Variants in PROSER2 observed in about 807,000 individuals in gnomAD.
PROSER2 encodes the protein proline and serine rich 2.
In PROSER2, 18 loss-of-function variants were observed where a neutral mutation model predicts 14.6. The observed-to-expected ratio is 1.23, with a 90% CI of 0.85 to 1.83. PROSER2 has a LOEUF of 1.83. Ranked by LOEUF, PROSER2 falls within the 40% of genes most tolerant of loss-of-function variation. The pLI is 0.00. For synonymous variants in PROSER2, 367 were observed against 286.4 expected, an observed-to-expected ratio of 1.28 and a Z score of -2.84; for missense variants, 823 against 629.8, an observed-to-expected ratio of 1.31 and a Z score of -3.28.
At chr10:11,833,426 C>T (rs183351180) in intron 1 of PROSER2, among the ~76,000 whole-genome samples, 25 of 151,478 alleles carry the variant, frequency 1.7e-4, no homozygotes, top group Non-Finnish European at 2.9e-4. Flanking sequence ...TGTGGTGGCT[C>T]ACACCGGTAA....
At chr10:11,846,752 T>TTTTG (rs962596005) in intron 1 of PROSER2, among the ~76,000 whole-genome samples, 13 of 151,892 alleles carry the variant, frequency 8.6e-5, no homozygotes, top group African/African-American at 1.5e-4. Context: ...TTGGTTTGGG[T>TTTTG]TTTGTTTGTT....
At chr10:11,835,650 A>G (rs1588484720) in intron 1 of PROSER2, among the ~76,000 whole-genome samples, 2 of 152,192 alleles carry the variant, frequency 1.3e-5, no homozygotes, top group East Asian at 3.8e-4. Flanking sequence ...ATTTTTGTTA[A>G]TACACAATTA....
chr10:11,853,480 C>T (rs539429400), intron 2 of PROSER2, among the ~76,000 whole-genome samples: 51 of 152,164 alleles, frequency 3.4e-4, no homozygotes, highest in African/African-American at 7.2e-4. Context: ...CCCAGCTACT[C>T]GGGAGGCTGA....
rs761664720 is a variant in PROSER2 at position 11,866,595 on chromosome 10, C to G, written c.203C>G (p.Thr68Arg). Residue 68 changes from threonine (T) to arginine (R), a missense_variant, in exon 3 of 4, where the codon ACG becomes AGG. Coordinates refer to ENST00000277570, the MANE Select transcript of PROSER2 (RefSeq NM_153256.4). This position sits in a 1 kb window ranked among gnomAD's most constrained non-coding sequence, Gnocchi z 6.0. The stretch of plus-strand genomic sequence containing the variant: ...GATGTGCTCCTGTTTTTTGAAGAGA[C>G]GATTGACTCCCTAGACGAGGACTTT... ...EKDVLLFFEE[T>R]IDSLDEDFEE... is the part of the protein sequence containing the mutation. 8.1e-6 allele frequency: 13 copies of G among 1,614,176 alleles called. No homozygotes were observed. In the Admixed American group the frequency reaches 2.2e-4, roughly 27 times the overall value.
In PROSER2 at chr10:11,827,663, G is replaced by A. The variant is rs533177282; in HGVS notation, c.-82+4193G>A. ...GCCAAGCTGTTGAGCGGGTCATTGG[G>A]CATACAAACATGGAAGTCCTTTTTT... is the stretch of plus-strand genomic sequence containing the variant. On this transcript the variant is annotated intron_variant, in intron 1 of 3. Coordinates refer to ENST00000277570, the MANE Select transcript of PROSER2 (RefSeq NM_153256.4). Among the ~76,000 whole-genome samples the A allele has an allele frequency of 2.7e-5, 4 of 149,818 alleles. No individual in the cohort carries two copies. In the East Asian group the frequency reaches 8.0e-4, roughly 30 times the overall value.
chr10:11,870,537 G>T lies in PROSER2; in HGVS notation c.*131G>T, dbSNP rs1236603368. 2.7e-6 allele frequency: 2 copies of T among 748,846 alleles called. No individual in the cohort carries two copies. Among genetic ancestry groups the T allele is most frequent in the African/African-American group, 3.7e-5 (2 of 53,430 alleles). 46.4% of individuals were successfully genotyped at this position (748,846 alleles called of 1,614,324 possible). ...GAGCCCCTGCCCTCTGTGGCACATC[G>T]GAGTCTAGAGGTGCCTGGCTGGGGC... is the stretch of plus-strand genomic sequence containing the variant. On this transcript the variant is annotated 3_prime_UTR_variant, in exon 4 of 4. Transcript: ENST00000277570.
In PROSER2 at chr10:11,870,031, C is replaced by T. The variant is rs1400623011; in HGVS notation, c.933C>T (p.Ser311=). 8.1e-7 allele frequency: 1 copy of T among 1,233,558 alleles called. No homozygotes were observed. The highest frequency in any genetic ancestry group is 3.4e-5 in the East Asian group (1 of 29,030). The allele number at this position is 1,233,558 out of a possible 1,614,324, so 76.4% of individuals were successfully genotyped here. A position where few individuals can be genotyped will look rare whatever the true frequency, so the allele number is the denominator to read the frequency against. Reference sequence around the variant, plus strand: ...GCGAGGGGGCCCCAGGGGGCGGCTCCTCCCCGGAGCGGGTGGCGCGTGGCC... The same window carrying T: ...GCGAGGGGGCCCCAGGGGGCGGCTCTTCCCCGGAGCGGGTGGCGCGTGGCC... The part of the protein sequence containing the change: ...DAGEGAPGGG[S]SPERVARGRG... Residue 311 remains serine, a synonymous_variant, in exon 4 of 4, where the codon TCC becomes TCT. Transcript: ENST00000277570.
chr10:11,842,695 G>A (rs1833861641), intron 1 of PROSER2, among the ~76,000 whole-genome samples: 3 of 151,792 alleles, frequency 2.0e-5, no homozygotes, highest in Admixed American at 2.0e-4. Flanking sequence ...ATTGGTAGCC[G>A]ACTCGCTCTG....
At chr10:11,835,803 C>A (rs1206949136) in intron 1 of PROSER2, among the ~76,000 whole-genome samples, 2 of 152,218 alleles carry the variant, frequency 1.3e-5, no homozygotes, top group Middle Eastern at 3.4e-3. Context: ...TCGTCAAGAG[C>A]CACTAGCATT....
intron 1 of PROSER2, among the ~76,000 whole-genome samples, chr10:11,848,449 G>A (rs748859447): frequency 6.6e-6 from 1 of 152,166 alleles, no homozygotes; most frequent in African/African-American, 2.4e-5. Context: ...GGTTACAGGC[G>A]TGAGCCACCG....
In PROSER2 at chr10:11,830,933, T is replaced by C. The variant is rs183037549; in HGVS notation, c.-82+7463T>C. Among the ~76,000 whole-genome samples the C allele has an allele frequency of 1.0e-3, 152 of 152,114 alleles. 1 individual carries two copies. The highest frequency in any genetic ancestry group is 3.4e-3 in the Middle Eastern group (1 of 294). On this transcript the variant is annotated intron_variant, in intron 1 of 3. Coordinates refer to ENST00000277570, the MANE Select transcript of PROSER2 (RefSeq NM_153256.4). This position sits in a 1 kb window ranked among gnomAD's most constrained non-coding sequence, Gnocchi z 4.5. ...TAGCTCCTGCCCAGAGAGGAGGTGGTTACTGGCCTCACCTTACTGACATCA... is the reference window on the plus strand; with the variant it reads ...TAGCTCCTGCCCAGAGAGGAGGTGGCTACTGGCCTCACCTTACTGACATCA...
chr10:11,870,123 C>T lies in PROSER2; in HGVS notation c.1025C>T (p.Ala342Val). 1.5e-6 allele frequency: 2 copies of T among 1,371,138 alleles called. No homozygotes were observed. Among genetic ancestry groups the T allele is most frequent in the Non-Finnish European group, 1.9e-6 (2 of 1,067,668 alleles). The allele number at this position is 1,371,138 out of a possible 1,614,324, so 84.9% of individuals were successfully genotyped here. ...GGQAPRGPAL[A>V]NGFPSAHEAL... ...CAGGCTCCGCGGGGCCCGGCGCTGG[C>T]CAACGGCTTCCCAAGTGCGCACGAG... The change falls in exon 4 of 4, where the codon GCC (alanine) becomes GTC (valine). Residue 342 changes from alanine to valine, a missense_variant. Ala to Val is a moderately conservative substitution (Grantham distance 64). Coordinates refer to ENST00000277570, the MANE Select transcript of PROSER2 (RefSeq NM_153256.4).
At chr10:11,845,620 CG>C (rs879293615) in intron 1 of PROSER2, among the ~76,000 whole-genome samples, 8 of 152,250 alleles carry the variant, frequency 5.3e-5, no homozygotes, top group Admixed American at 2.0e-4. Flanking sequence ...CAGCAACACT[CG>C]GTAGCTGTTA....
Position 11,865,506 on chromosome 10 carries a change from G to A in PROSER2, c.139-1025G>A, listed in dbSNP as rs144663204. Among the ~76,000 whole-genome samples, 4 of 152,176 alleles carry A rather than the reference G, an allele frequency of 2.6e-5. No homozygotes were observed. The highest frequency in any genetic ancestry group is 9.6e-5 in the African/African-American group (4 of 41,516). On this transcript the variant is annotated intron_variant, in intron 2 of 3. Coordinates refer to ENST00000277570, the MANE Select transcript of PROSER2 (RefSeq NM_153256.4). The surrounding 1 kb of genome is among the most constrained non-coding windows in gnomAD (Gnocchi z 4.2). ...TGCTCGGTGGTTATTAGATATCTGC[G>A]CATACTCCAGAGTAGGACAGTAAGA...
chr10:11,839,997 G>A (rs1373642991), intron 1 of PROSER2, among the ~76,000 whole-genome samples: 2 of 149,230 alleles, frequency 1.3e-5, no homozygotes, highest in Non-Finnish European at 3.0e-5. Context: ...TGTCACCCAG[G>A]CTGGAGTGCA....
intron 2 of PROSER2, among the ~76,000 whole-genome samples, chr10:11,864,808 C>T (rs1217740216): frequency 6.6e-6 from 1 of 152,064 alleles, no homozygotes; most frequent in Non-Finnish European, 1.5e-5. Context: ...AGCCTGGGCT[C>T]GAACTCTGGA....
At chr10:11,852,684 ATTTTTTTTT>A (rs33939695) in intron 2 of PROSER2, among the ~76,000 whole-genome samples, 5 of 98,024 alleles carry the variant, frequency 5.1e-5, no homozygotes, top group Non-Finnish European at 9.8e-5. Flanking sequence ...ACACCCGGCT[ATTTTTTTTT>A]TTTTTTTTTT....
intron 1 of PROSER2, among the ~76,000 whole-genome samples, chr10:11,826,996 C>T (rs757361740): frequency 1.3e-5 from 2 of 151,674 alleles, no homozygotes; most frequent in African/African-American, 2.4e-5. Context: ...GTGATCCTCC[C>T]ACCTCAGCCT....
intron 1 of PROSER2, among the ~76,000 whole-genome samples, chr10:11,844,345 T>C (rs1455501979): frequency 1.3e-5 from 2 of 152,186 alleles, no homozygotes; most frequent in Non-Finnish European, 2.9e-5. Context: ...TACATTCATA[T>C]GGTTAAAAAA....
Sources: allele counts gnomAD v4.1 joint callset (sites outside exome capture counted in the v4.1 genomes callset), GRCh38; gene constraint gnomAD v4.1.1; non-coding constraint Gnocchi (gnomAD v3.1); transcripts MANE v1.5; gene names NCBI Gene and HGNC (gene_info 2026-07-23, HGNC 2026-07-21).